The following TRPS1 variants were observed in gnomAD, a reference collection of about 807,000 sequenced individuals.
TRPS1 encodes the protein transcriptional repressor GATA binding 1.
In TRPS1, 6 loss-of-function variants were observed where a neutral mutation model predicts 101.2. That is an observed-to-expected ratio of 0.06 (90% CI 0.03 to 0.12). The LOEUF (loss-of-function observed/expected upper bound fraction) is 0.12, where lower values mean the gene tolerates loss of function less well. Among genes scored for constraint, TRPS1 ranks in the 10% least tolerant of loss-of-function variants. The probability of loss-of-function intolerance (pLI) is 1.00; values close to 1 mark genes in which losing one functional copy is unlikely to be tolerated. For missense variants in TRPS1, 1,363 were observed against 1,567.0 expected (o/e 0.87, Z 2.20); for synonymous variants, 578 against 589.8 (o/e 0.98, Z 0.29).
chr8:115,541,955 C>G (rs1027194600), intron 5 of TRPS1, among the ~76,000 whole-genome samples: 1 of 152,140 alleles, frequency 6.6e-6, no homozygotes. Flanking sequence ...CAGAGCCCTG[C>G]AATAGTCAAC....
intron 5 of TRPS1, among the ~76,000 whole-genome samples, chr8:115,426,932 A>G (rs1813201619): frequency 6.6e-6 from 1 of 152,150 alleles, no homozygotes; most frequent in African/African-American, 2.4e-5. Flanking sequence ...ATCAAAGAAC[A>G]CATTCTGGTC....
At chr8:115,600,073 T>C (rs1817875705) in intron 4 of TRPS1, among the ~76,000 whole-genome samples, 1 of 152,218 alleles carries the variant, frequency 6.6e-6, no homozygotes, top group African/African-American at 2.4e-5. Flanking sequence ...TTGACTTGCA[T>C]TTCTCTAATG....
chr8:115,625,157 A>C (rs1189639299), intron 1 of TRPS1, among the ~76,000 whole-genome samples: 1 of 151,856 alleles, frequency 6.6e-6, no homozygotes, highest in East Asian at 1.9e-4. Context: ...AAGAGGTGTA[A>C]ATTCTATAAA....
At chr8:115,454,146 T>C (rs1232498053) in intron 5 of TRPS1, among the ~76,000 whole-genome samples, 3 of 152,228 alleles carry the variant, frequency 2.0e-5, no homozygotes, top group Non-Finnish European at 4.4e-5. Flanking sequence ...ACAGTGTATG[T>C]GCACATTTAT....
At chr8:115,497,129 T>C (rs1815167292) in intron 5 of TRPS1, among the ~76,000 whole-genome samples, 1 of 152,198 alleles carries the variant, frequency 6.6e-6, no homozygotes, top group South Asian at 2.1e-4. Flanking sequence ...AGTTCTCATA[T>C]GTGCCTTAGG....
chr8:115,476,019 T>TC, intron 5 of TRPS1, among the ~76,000 whole-genome samples: 1 of 15,194 alleles, frequency 6.6e-5, no homozygotes, highest in Non-Finnish European at 8.8e-5. Flanking sequence ...TTTTTTTTTT[T>TC]TTTTTTTTTT....
chr8:115,486,695 T>C (rs1295065452), intron 5 of TRPS1, among the ~76,000 whole-genome samples: 1 of 152,218 alleles, frequency 6.6e-6, no homozygotes, highest in Non-Finnish European at 1.5e-5. Context: ...AATATTCCCT[T>C]AAGCCAAAGT....
intron 5 of TRPS1, among the ~76,000 whole-genome samples, chr8:115,489,146 G>A (rs1266859713): frequency 6.6e-6 from 1 of 152,100 alleles, no homozygotes; most frequent in Admixed American, 6.5e-5. Context: ...CTGATCTCAA[G>A]TGAATTACAT....
At chr8:115,565,668 T>C (rs949619241) in intron 5 of TRPS1, among the ~76,000 whole-genome samples, 1 of 152,112 alleles carries the variant, frequency 6.6e-6, no homozygotes, top group Non-Finnish European at 1.5e-5. Flanking sequence ...TCAGCTTCTT[T>C]AATTTGGTGG....
At chr8:115,417,480 G>A (rs977689005) in intron 6 of TRPS1, among the ~76,000 whole-genome samples, 2 of 151,908 alleles carry the variant, frequency 1.3e-5, no homozygotes, top group Admixed American at 6.6e-5. Flanking sequence ...AAAAGGCACA[G>A]GGAAATAAAT....
chr8:115,464,357 G>C (rs766608189), intron 5 of TRPS1, among the ~76,000 whole-genome samples: 1 of 151,998 alleles, frequency 6.6e-6, no homozygotes, highest in Non-Finnish European at 1.5e-5. Flanking sequence ...CCTGTTTATC[G>C]TTGCTTATTC....
chr8:115,650,964 A>G (rs1033514253), intron 1 of TRPS1, among the ~76,000 whole-genome samples: 1 of 152,220 alleles, frequency 6.6e-6, no homozygotes, highest in African/African-American at 2.4e-5. Context: ...ACTTACAAGT[A>G]ACTTTCATCC....
At chr8:115,570,830 C>T (rs1817187059) in intron 5 of TRPS1, among the ~76,000 whole-genome samples, 1 of 152,038 alleles carries the variant, frequency 6.6e-6, no homozygotes, top group East Asian at 1.9e-4. Context: ...ACATGCATGC[C>T]AACTCAATCC....
intron 5 of TRPS1, among the ~76,000 whole-genome samples, chr8:115,429,444 A>C (rs191192231): frequency 6.6e-6 from 1 of 152,208 alleles, no homozygotes; most frequent in East Asian, 1.9e-4. Flanking sequence ...AGGAAACTGC[A>C]CTCATACGAG....
chr8:115,541,573 G>A (rs1475979489), intron 5 of TRPS1, among the ~76,000 whole-genome samples: 1 of 152,110 alleles, frequency 6.6e-6, no homozygotes, highest in Non-Finnish European at 1.5e-5. Flanking sequence ...CAGAGGTCAA[G>A]CATTCCACTT....
chr8:115,511,175 T>C (rs531806209), intron 5 of TRPS1: 5 of 151,976 alleles, frequency 3.3e-5, no homozygotes, highest in South Asian at 2.1e-4. Flanking sequence ...ACATGGACTT[T>C]TGTCTCTTTT....
chr8:115,464,375 GA>G (rs1814266835), intron 5 of TRPS1, among the ~76,000 whole-genome samples: 1 of 152,062 alleles, frequency 6.6e-6, no homozygotes, highest in Non-Finnish European at 1.5e-5. Flanking sequence ...TTCCTGGATA[GA>G]ATTCAGTAGA....
At chr8:115,470,732 T>G (rs1487009975) in intron 5 of TRPS1, among the ~76,000 whole-genome samples, 1 of 152,190 alleles carries the variant, frequency 6.6e-6, no homozygotes, top group African/African-American at 2.4e-5. Flanking sequence ...TAAAGGGGGC[T>G]GCAAAATTAA....
At chr8:115,581,645 T>C (rs953930228) in intron 5 of TRPS1, among the ~76,000 whole-genome samples, 9 of 152,128 alleles carry the variant, frequency 5.9e-5, no homozygotes, top group Non-Finnish European at 2.9e-5. Context: ...CAAACTTCTA[T>C]ACCTATGGAA....
Sources: allele counts gnomAD v4.1 joint callset (sites outside exome capture counted in the v4.1 genomes callset), GRCh38; gene constraint gnomAD v4.1.1; transcripts MANE v1.5; gene names NCBI Gene and HGNC (gene_info 2026-07-23, HGNC 2026-07-21).